MIER3: variants seen among roughly 807,000 people sequenced by gnomAD.
The protein encoded by MIER3 is MIER family member 3.
MIER3 carries 9 observed loss-of-function variants against 63.2 expected under a neutral mutation model. The ratio of observed to expected loss-of-function variants is 0.14; its 90% CI spans 0.09 to 0.25. The LOEUF (loss-of-function observed/expected upper bound fraction) is 0.25. Among genes scored for constraint, MIER3 ranks in the 10% least tolerant of loss-of-function variants. MIER3 has a pLI of 1.00. For missense variants in MIER3, 512 were observed against 666.2 expected, an observed-to-expected ratio of 0.77 and a Z score of 2.55; for synonymous variants, 205 against 224.9, an observed-to-expected ratio of 0.91 and a Z score of 0.79.
intron 4 of MIER3, chr5:56,938,675 G>T: frequency 1.8e-6 from 1 of 563,462 alleles, no homozygotes; most frequent in Non-Finnish European, 3.1e-6. Flanking sequence ...AGAATATTCA[G>T]GCATGCAAAG....
chr5:56,930,613 C>T (rs1442999477), intron 9 of MIER3, 51 bp downstream of exon 9: 6 of 1,487,700 alleles, frequency 4.0e-6, no homozygotes, highest in Admixed American at 1.7e-5. Context: ...ATTCTGATCC[C>T]CAAATGACCA....
intron 8 of MIER3, among the ~76,000 whole-genome samples, chr5:56,932,431 A>G (rs1750301332): frequency 6.6e-6 from 1 of 152,250 alleles, no homozygotes. Flanking sequence ...AAATTAATAT[A>G]GACTTGAAAT....
intron 10 of MIER3, among the ~76,000 whole-genome samples, chr5:56,926,230 A>C (rs1022012237): frequency 6.6e-6 from 1 of 151,900 alleles, no homozygotes; most frequent in Non-Finnish European, 1.5e-5. Flanking sequence ...GAACAATCAG[A>C]TGAAATTCTA....
intron 2 of MIER3, 139 bp from the exon 3 acceptor site, chr5:56,947,210 G>A: frequency 4.8e-6 from 4 of 825,682 alleles, no homozygotes; most frequent in Non-Finnish European, 7.1e-6. Flanking sequence ...ATAATTTATA[G>A]GTTATAAATT....
intron 3 of MIER3, among the ~76,000 whole-genome samples, chr5:56,942,497 T>C (rs1205923392): frequency 2.0e-5 from 3 of 152,174 alleles, no homozygotes; most frequent in Admixed American, 6.5e-5. Flanking sequence ...TAGGTAACTA[T>C]AGCACCACTA....
At chr5:56,932,116 C>T (rs1344794694) in intron 8 of MIER3, among the ~76,000 whole-genome samples, 2 of 152,070 alleles carry the variant, frequency 1.3e-5, no homozygotes, top group African/African-American at 4.8e-5. Context: ...AAAAATTAGC[C>T]AGGCATGGTG....
At chr5:56,925,028 A>G (rs1749893831) in intron 10 of MIER3, among the ~76,000 whole-genome samples, 1 of 152,230 alleles carries the variant, frequency 6.6e-6, no homozygotes, top group Non-Finnish European at 1.5e-5. Flanking sequence ...AGTGCCTAAA[A>G]CAATGTCTGG....
chr5:56,951,402 C>T (rs1751023751), intron 1 of MIER3, among the ~76,000 whole-genome samples: 1 of 152,190 alleles, frequency 6.6e-6, no homozygotes, highest in Admixed American at 6.5e-5. Flanking sequence ...CCCAGCCTTC[C>T]TTCCTCCAGC....
intron 3 of MIER3, among the ~76,000 whole-genome samples, chr5:56,939,297 CCTT>C (rs1401546845): frequency 6.6e-6 from 1 of 152,098 alleles, no homozygotes; most frequent in Non-Finnish European, 1.5e-5. Context: ...TGCTTTAGTG[CCTT>C]TTTTTTTGCT....
chr5:56,950,617 A>G lies in MIER3; in HGVS notation c.34+11T>C, dbSNP rs1750987195. 6.2e-7 allele frequency: 1 copy of G among 1,614,030 alleles called. No individual in the cohort carries two copies. Among genetic ancestry groups the G allele is most frequent in the Non-Finnish European group, 8.5e-7 (1 of 1,179,950 alleles). Reference sequence around the variant, plus strand: ...TGGGAACCACCGAAGACGTAAGAAAATAGGACAAACCTGGGCTCGAACTTC... The same window carrying G: ...TGGGAACCACCGAAGACGTAAGAAAGTAGGACAAACCTGGGCTCGAACTTC... On this transcript the variant is annotated intron_variant, in intron 2 of 12. Coordinates refer to ENST00000381199, the MANE Select transcript of MIER3 (RefSeq NM_001297599.2).
intron 10 of MIER3, among the ~76,000 whole-genome samples, chr5:56,927,723 G>A (rs923120036): frequency 2.6e-5 from 4 of 151,930 alleles, no homozygotes; most frequent in East Asian, 3.9e-4. Flanking sequence ...ACATCAACAC[G>A]CAAAGACCAT....
chr5:56,949,776 T>C (rs182639719), intron 2 of MIER3, among the ~76,000 whole-genome samples: 3 of 152,324 alleles, frequency 2.0e-5, no homozygotes, highest in East Asian at 1.9e-4. Flanking sequence ...TCTCCTCAAC[T>C]GTAAAATAAT....
At chr5:56,930,621 C>A (rs376266361) in intron 9 of MIER3, 43 bp downstream of exon 9, 10 of 1,521,110 alleles carry the variant, frequency 6.6e-6, no homozygotes, top group Non-Finnish European at 9.1e-6. Flanking sequence ...CCCCAAATGA[C>A]CATCCCTGTC....
Position 56,923,205 on chromosome 5 carries a change from T to G in MIER3, c.1576A>C (p.Ser526Arg). The part of the protein sequence containing the change: ...KMAVSVADFG[S>R]LSANETNGFI... ...CCATTGGTCTCGTTGGCAGAGAGAC[T>G]GCCAAAGTCAGCCACAGAAACAGCC... The change falls in exon 13 of 13, where the codon AGT becomes CGT. Residue 526 changes from serine (S) to arginine (R), a missense_variant. Physicochemically the swap from Ser to Arg is moderately radical, Grantham distance 110. Coordinates refer to ENST00000381199, the MANE Select transcript of MIER3 (RefSeq NM_001297599.2). The G allele has an allele frequency of 3.7e-6, 6 of 1,614,074 alleles. No individual in the cohort carries two copies. Among genetic ancestry groups the G allele is most frequent in the African/African-American group, 1.3e-5 (1 of 75,022 alleles).
chr5:56,927,588 T>A (rs1018552074), intron 10 of MIER3, among the ~76,000 whole-genome samples: 1 of 151,990 alleles, frequency 6.6e-6, no homozygotes, highest in Non-Finnish European at 1.5e-5. Context: ...TTTTTAAGAG[T>A]AGTTTGAGGT....
chr5:56,946,871 T>C, intron 3 of MIER3, 55 bp downstream of exon 3: 6 of 1,283,194 alleles, frequency 4.7e-6, no homozygotes, highest in Non-Finnish European at 5.2e-6. Context: ...TTTTTAAAAT[T>C]ACAACAGAAT....
chr5:56,922,558 T>G lies in MIER3; in HGVS notation c.*570A>C, dbSNP rs1749722082. 1 of 153,382 alleles carries G rather than the reference T, an allele frequency of 6.5e-6. No individual in the cohort carries two copies. Among genetic ancestry groups the G allele is most frequent in the Non-Finnish European group, 1.5e-5 (1 of 68,562 alleles). 9.5% of individuals were successfully genotyped at this position (153,382 alleles called of 1,614,324 possible). A position where few individuals can be genotyped will look rare whatever the true frequency, so the allele number is the denominator to read the frequency against. On this transcript the variant is annotated 3_prime_UTR_variant, in exon 13 of 13. Coordinates refer to ENST00000381199, the MANE Select transcript of MIER3 (RefSeq NM_001297599.2). The stretch of plus-strand genomic sequence containing the variant: ...TTGAATAACATGAGAGAAGTTTCCA[T>G]TTTTAAAAAATCCTTGCATGTTTGT...
At chr5:56,951,365 G>C (rs1751021755) in intron 1 of MIER3, among the ~76,000 whole-genome samples, 1 of 151,954 alleles carries the variant, frequency 6.6e-6, no homozygotes, top group African/African-American at 2.4e-5. Flanking sequence ...CCAGTCCCGG[G>C]GGACATGGCC....
intron 8 of MIER3, among the ~76,000 whole-genome samples, chr5:56,931,669 C>T (rs1012706304): frequency 6.6e-6 from 1 of 151,968 alleles, no homozygotes; most frequent in African/African-American, 2.4e-5. Flanking sequence ...AATGTAAAAA[C>T]CTTAGATGTA....
Sources: allele counts gnomAD v4.1 joint callset (sites outside exome capture counted in the v4.1 genomes callset), GRCh38; gene constraint gnomAD v4.1.1; transcripts MANE v1.5; gene names NCBI Gene and HGNC (gene_info 2026-07-23, HGNC 2026-07-21).